Variants in PRKN observed in about 807,000 individuals in gnomAD.
PRKN encodes the protein E3 ubiquitin-protein ligase parkin.
In PRKN, 56 loss-of-function variants were observed where a neutral mutation model predicts 59.5. The observed-to-expected ratio is 0.94, with a 90% CI of 0.76 to 1.18. The LOEUF (loss-of-function observed/expected upper bound fraction) is 1.18, where lower values mean the gene tolerates loss of function less well. Ranked by LOEUF, PRKN falls within the 50% of genes most tolerant of loss-of-function variation. The probability of loss-of-function intolerance (pLI) is 0.00; values close to 1 mark genes in which losing one functional copy is unlikely to be tolerated. For missense variants in PRKN, 657 were observed against 596.4 expected (o/e 1.10, Z -1.06); for synonymous variants, 250 against 222.1 (o/e 1.13, Z -1.12).
intron 10 of PRKN, among the ~76,000 whole-genome samples, chr6:161,364,896 A>T (rs1582974564): frequency 6.6e-6 from 1 of 151,052 alleles, no homozygotes; most frequent in African/African-American, 2.4e-5. Context: ...GTGCCAGTAC[A>T]CTCCAGCCTG....
intron 3 of PRKN, among the ~76,000 whole-genome samples, chr6:162,235,666 G>A (rs1421510935): frequency 3.3e-5 from 5 of 151,718 alleles, no homozygotes; most frequent in East Asian, 1.9e-4. Flanking sequence ...AAACTAGCGC[G>A]GTGGCTGGTG....
intron 4 of PRKN, among the ~76,000 whole-genome samples, chr6:162,183,291 T>G (rs188853547): frequency 1.3e-5 from 2 of 152,266 alleles, no homozygotes; most frequent in Admixed American, 6.5e-5. Flanking sequence ...TGGGAGTTCT[T>G]CTGCTGCAGA....
intron 6 of PRKN, among the ~76,000 whole-genome samples, chr6:161,855,230 G>A (rs1390069145): frequency 6.6e-6 from 1 of 152,088 alleles, no homozygotes; most frequent in Non-Finnish European, 1.5e-5. Context: ...ATCAGGGTGG[G>A]GTTTTGGGCA....
chr6:162,134,947 G>A (rs142262375), intron 4 of PRKN, among the ~76,000 whole-genome samples: 269 of 152,212 alleles, frequency 1.8e-3, no homozygotes, highest in African/African-American at 6.1e-3. Flanking sequence ...ACTATGACAA[G>A]CCAATTGTTC....
At chr6:162,244,758 G>T (rs1779131458) in intron 3 of PRKN, among the ~76,000 whole-genome samples, 1 of 152,058 alleles carries the variant, frequency 6.6e-6, no homozygotes, top group African/African-American at 2.4e-5. Context: ...TGACTCTAAT[G>T]AATCTAATCA....
intron 1 of PRKN, among the ~76,000 whole-genome samples, chr6:162,548,916 G>A (rs372637609): frequency 6.6e-5 from 10 of 152,134 alleles, no homozygotes; most frequent in East Asian, 3.9e-4. Context: ...ACTAAGGAAG[G>A]TAAAGGGTAT....
chr6:162,526,430 T>A (rs1290619741), intron 1 of PRKN, among the ~76,000 whole-genome samples: 6 of 151,092 alleles, frequency 4.0e-5, no homozygotes, highest in Admixed American at 6.6e-5. Context: ...GGCGGGCAGA[T>A]CATGAGGTCA....
intron 6 of PRKN, among the ~76,000 whole-genome samples, chr6:161,933,785 C>T (rs1469412180): frequency 1.3e-5 from 2 of 151,832 alleles, no homozygotes; most frequent in African/African-American, 2.4e-5. Context: ...TTCAGGGAAC[C>T]CCAGAAGTCT....
intron 7 of PRKN, among the ~76,000 whole-genome samples, chr6:161,680,771 A>ATTT (rs1174510072): frequency 1.7e-3 from 30 of 18,022 alleles, no homozygotes; most frequent in East Asian, 4.5e-3. Context: ...ATATATATAT[A>ATTT]TATATTTTTT....
chr6:162,472,457 CTTTTATTTTA>C (rs368175916), intron 1 of PRKN, among the ~76,000 whole-genome samples: 12,031 of 123,576 alleles, frequency 0.097, 2,279 homozygotes, highest in African/African-American at 0.32. Context: ...CAAACTCTAA[CTTTTATTTTA>C]TTTTATTTTA....
chr6:162,232,265 T>C (rs1583235783), intron 3 of PRKN, among the ~76,000 whole-genome samples: 1 of 152,280 alleles, frequency 6.6e-6, no homozygotes, highest in East Asian at 1.9e-4. Flanking sequence ...GCAGTGCCTG[T>C]TGAAGGCTAT....
intron 6 of PRKN, among the ~76,000 whole-genome samples, chr6:161,919,069 C>T (rs1014274130): frequency 1.3e-5 from 2 of 152,126 alleles, no homozygotes; most frequent in South Asian, 2.1e-4. Context: ...CAGATCCACA[C>T]GAAGAGTTTT....
intron 1 of PRKN, among the ~76,000 whole-genome samples, chr6:162,612,551 C>T (rs1378516962): frequency 2.8e-5 from 4 of 143,788 alleles, no homozygotes; most frequent in South Asian, 2.3e-4. Context: ...GAGCCGAGAT[C>T]GCGCCATTGC....
rs529176333 is a variant in PRKN at position 162,193,366 on chromosome 6, T to A, written c.534+7765A>T. Among the ~76,000 whole-genome samples, 16 of 152,304 alleles carry A rather than the reference T, an allele frequency of 1.1e-4. 1 individual carries two copies. Among genetic ancestry groups the A allele is most frequent in the African/African-American group, 3.6e-4 (15 of 41,568 alleles). On this transcript the variant is annotated intron_variant, in intron 4 of 11. Transcript: ENST00000366898. Reference sequence around the variant, plus strand: ...TACTTATTTCAGATCAATGCTGGGTTTCTCCCTCTTCGCCAAAGCTGAATG... The same window carrying A: ...TACTTATTTCAGATCAATGCTGGGTATCTCCCTCTTCGCCAAAGCTGAATG...
At chr6:162,614,472 C>A (rs2155502) in intron 1 of PRKN, among the ~76,000 whole-genome samples, 139,465 of 152,236 alleles carry the variant, frequency 0.92, 64,040 homozygotes, top group Admixed American at 0.97. Flanking sequence ...ATTTGTGCAT[C>A]AAATTTCAAA....
chr6:162,413,924 G>A (rs1487229749), intron 2 of PRKN, among the ~76,000 whole-genome samples: 2 of 152,196 alleles, frequency 1.3e-5, no homozygotes, highest in African/African-American at 4.8e-5. Context: ...GCTCACGCCT[G>A]TAGTCCCAGC....
At chr6:161,665,756 C>T (rs930090958) in intron 7 of PRKN, among the ~76,000 whole-genome samples, 1 of 152,170 alleles carries the variant, frequency 6.6e-6, no homozygotes, top group Non-Finnish European at 1.5e-5. Context: ...TAACAAAACA[C>T]GTCATCGGCC....
intron 5 of PRKN, among the ~76,000 whole-genome samples, chr6:162,006,114 A>T (rs2023128): frequency 3.3e-4 from 51 of 152,280 alleles, no homozygotes; most frequent in Non-Finnish European, 4.9e-4. Flanking sequence ...ATGAAGTTAT[A>T]TATGTGTGTG....
intron 6 of PRKN, among the ~76,000 whole-genome samples, chr6:161,942,936 G>T (rs1233238080): frequency 6.6e-6 from 1 of 152,188 alleles, no homozygotes; most frequent in African/African-American, 2.4e-5. Context: ...ATGATGATTA[G>T]GGAAGATGGT....
Sources: gnomAD v4.1 joint callset for allele counts (sites outside exome capture counted in the v4.1 genomes callset) on GRCh38, gnomAD v4.1.1 for gene constraint, MANE v1.5 for transcripts, NCBI Gene and HGNC (gene_info 2026-07-23, HGNC 2026-07-21) for gene names.